Variants in GSKIP observed in about 807,000 individuals in gnomAD.
The protein encoded by GSKIP is GSK3B interacting protein.
Under a neutral mutation model 11.9 loss-of-function variants are expected in GSKIP, and 5 were observed. The ratio of observed to expected loss-of-function variants is 0.42; its 90% CI spans 0.22 to 0.89. The LOEUF (loss-of-function observed/expected upper bound fraction) is 0.89, where lower values mean the gene tolerates loss of function less well. Ranked by LOEUF, GSKIP falls within the 40% of genes least tolerant of loss-of-function variation. The pLI is 0.29. For missense variants in GSKIP, 150 were observed against 166.6 expected, an observed-to-expected ratio of 0.90 and a Z score of 0.55; for synonymous variants, 70 against 62.9, an observed-to-expected ratio of 1.11 and a Z score of -0.54.
At chr14:96,383,394 TA>T (rs35652932) in intron 3 of GSKIP, among the ~76,000 whole-genome samples, 2,475 of 140,312 alleles carry the variant, frequency 0.018, 76 homozygotes, top group African/African-American at 0.059. Context: ...AGACCCTGTT[TA>T]AAAAAAAAAA....
At chr14:96,383,628 C>A (rs1419161981) in intron 3 of GSKIP, among the ~76,000 whole-genome samples, 1 of 152,190 alleles carries the variant, frequency 6.6e-6, no homozygotes, top group African/African-American at 2.4e-5. Context: ...ACATAAACAT[C>A]TCTTTAATTC....
intron 1 of GSKIP, among the ~76,000 whole-genome samples, chr14:96,378,592 T>A (rs974461513): frequency 6.6e-6 from 1 of 152,208 alleles, no homozygotes; most frequent in Non-Finnish European, 1.5e-5. Context: ...TGGTAATTTA[T>A]TATAGTAGCA....
intron 1 of GSKIP, among the ~76,000 whole-genome samples, chr14:96,368,567 G>A (rs987356903): frequency 6.6e-6 from 1 of 152,168 alleles, no homozygotes; most frequent in African/African-American, 2.4e-5. Context: ...CACTGCTGTG[G>A]TTTGGATATG....
chr14:96,367,073 C>CT (rs1454449956), intron 1 of GSKIP, among the ~76,000 whole-genome samples: 1 of 152,192 alleles, frequency 6.6e-6, no homozygotes, highest in African/African-American at 2.4e-5. Flanking sequence ...ATGGCTTGAG[C>CT]TTCAGGGTCA....
chr14:96,385,771 C>T lies in GSKIP; in HGVS notation c.*87C>T. 3 of 1,059,226 alleles carry T rather than the reference C, an allele frequency of 2.8e-6. No homozygotes were observed. Among genetic ancestry groups the T allele is most frequent in the Non-Finnish European group, 4.0e-6 (3 of 745,182 alleles). 65.6% of individuals were successfully genotyped at this position (1,059,226 alleles called of 1,614,324 possible). On this transcript the variant is annotated 3_prime_UTR_variant, in exon 4 of 4. Transcript: ENST00000555181. ...TTCTTGCATATGGTCATAGAAAATGCATCTTTGGTTTTGTGTTTTTATCAC... is the reference window on the plus strand; with the variant it reads ...TTCTTGCATATGGTCATAGAAAATGTATCTTTGGTTTTGTGTTTTTATCAC...
At chr14:96,368,884 G>T (rs1888971679) in intron 1 of GSKIP, among the ~76,000 whole-genome samples, 1 of 152,190 alleles carries the variant, frequency 6.6e-6, no homozygotes. Context: ...TGAAAATGCG[G>T]AAGCAGCTTT....
chr14:96,382,104 T>C, intron 2 of GSKIP, 143 bp from the exon 3 acceptor site: 2 of 532,962 alleles, frequency 3.8e-6, no homozygotes, highest in South Asian at 6.4e-5. Context: ...GAAATGTTTT[T>C]AGATAGTATT....
chr14:96,372,610 A>G (rs1434398931), intron 1 of GSKIP, among the ~76,000 whole-genome samples: 1 of 152,244 alleles, frequency 6.6e-6, no homozygotes, highest in East Asian at 1.9e-4. Flanking sequence ...ACAAACAACA[A>G]GATGGTAAAA....
chr14:96,369,029 G>T (rs1888974509), intron 1 of GSKIP, among the ~76,000 whole-genome samples: 1 of 152,208 alleles, frequency 6.6e-6, no homozygotes, highest in Non-Finnish European at 1.5e-5. Flanking sequence ...AGACAGTAAA[G>T]GCTATGCTGA....
chr14:96,366,319 T>C (rs569360056), intron 1 of GSKIP, among the ~76,000 whole-genome samples: 2 of 152,330 alleles, frequency 1.3e-5, no homozygotes, highest in East Asian at 1.9e-4. Context: ...GGGCTATCCA[T>C]AGAGTGCCTG....
At chr14:96,365,703 G>A (rs1033500416) in intron 1 of GSKIP, among the ~76,000 whole-genome samples, 4 of 151,912 alleles carry the variant, frequency 2.6e-5, no homozygotes, top group African/African-American at 9.7e-5. Context: ...GTGTGATGGC[G>A]TGCACCTGTA....
chr14:96,376,991 T>C (rs891858620), intron 1 of GSKIP, among the ~76,000 whole-genome samples: 1 of 152,220 alleles, frequency 6.6e-6, no homozygotes, highest in Non-Finnish European at 1.5e-5. Context: ...GTTCCAAATT[T>C]TGCTACTCAT....
At chr14:96,371,343 G>A (rs1311287558) in intron 1 of GSKIP, among the ~76,000 whole-genome samples, 1 of 151,656 alleles carries the variant, frequency 6.6e-6, no homozygotes, top group Non-Finnish European at 1.5e-5. Context: ...CTTTCCAAAA[G>A]ACTGCAATTT....
At chr14:96,380,926 G>A (rs1022169020) in intron 2 of GSKIP, among the ~76,000 whole-genome samples, 2 of 152,136 alleles carry the variant, frequency 1.3e-5, no homozygotes, top group Admixed American at 6.5e-5. Flanking sequence ...GTGGTGAGGG[G>A]GTGGGACTAG....
chr14:96,371,176 T>A (rs1405577006), intron 1 of GSKIP, among the ~76,000 whole-genome samples: 1 of 152,222 alleles, frequency 6.6e-6, no homozygotes, highest in African/African-American at 2.4e-5. Flanking sequence ...TAATAATTAA[T>A]AAACTTTATT....
chr14:96,378,881 T>C (rs1595350402), intron 1 of GSKIP: 1 of 152,262 alleles, frequency 6.6e-6, no homozygotes, highest in East Asian at 1.9e-4. Context: ...GAAACCAGCA[T>C]GGGCTCTGGC....
At chr14:96,379,893 C>A (rs2139940878) in intron 2 of GSKIP, 105 bp downstream of exon 2, 1 of 152,280 alleles carries the variant, frequency 6.6e-6, no homozygotes, top group South Asian at 2.1e-4. Context: ...TTTCTGACAT[C>A]TCCAATTGAA....
At position 96,368,250 on chromosome 14, in the gene GSKIP, G is replaced by A. The variant is rs140983464; in HGVS notation, c.-103+4682G>A. On this transcript the variant is annotated intron_variant, in intron 1 of 3. Coordinates refer to ENST00000555181, the MANE Select transcript of GSKIP (RefSeq NM_016472.5). Reference sequence around the variant, plus strand: ...CAGACTGGAGTGCAGTGGCACGATAGCTCATTGTAGCCTCAACCTCCCAGG... The same window carrying A: ...CAGACTGGAGTGCAGTGGCACGATAACTCATTGTAGCCTCAACCTCCCAGG... Among the ~76,000 whole-genome samples the A allele has an allele frequency of 9.0e-3, 1,357 of 150,362 alleles. 19 individuals carry two copies. Among genetic ancestry groups the A allele is most frequent in the African/African-American group, 0.032 (1,296 of 40,880 alleles).
At chr14:96,364,072 C>T (rs1043553996) in intron 1 of GSKIP, 2 of 152,328 alleles carry the variant, frequency 1.3e-5, no homozygotes, top group African/African-American at 2.4e-5. Context: ...AACTGCATTC[C>T]TTGAGAAATG....
Sources: gnomAD v4.1 joint callset for allele counts (sites outside exome capture counted in the v4.1 genomes callset) on GRCh38, gnomAD v4.1.1 for gene constraint, MANE v1.5 for transcripts, NCBI Gene and HGNC (gene_info 2026-07-23, HGNC 2026-07-21) for gene names.